IMPA2: variants seen among roughly 807,000 people sequenced by gnomAD.
The protein encoded by IMPA2 is inositol monophosphatase 2.
A neutral mutation model predicts 35.1 loss-of-function variants in IMPA2; 32 were observed. The ratio of observed to expected loss-of-function variants is 0.91; its 90% CI spans 0.69 to 1.23. IMPA2 has a LOEUF of 1.23. Among genes scored for constraint, IMPA2 ranks in the 50% most tolerant of loss-of-function variants. The pLI is 0.00. For synonymous variants in IMPA2, 135 were observed against 160.6 expected (o/e 0.84, Z 1.20); for missense variants, 334 against 387.6 (o/e 0.86, Z 1.16).
At chr18:12,028,780 C>T in intron 6 of IMPA2, 62 bp from the exon 7 acceptor site, 9 of 1,558,296 alleles carry the variant, frequency 5.8e-6, no homozygotes, top group Non-Finnish European at 6.1e-6. Context: ...CTGAAGTCGG[C>T]TTGCACACCA....
chr18:12,022,346 A>T (rs553937175), intron 5 of IMPA2, among the ~76,000 whole-genome samples: 10 of 152,028 alleles, frequency 6.6e-5, no homozygotes, highest in Non-Finnish European at 1.2e-4. Context: ...AGCCTGGCCA[A>T]CATGGAGAAA....
At chr18:12,005,434 A>G (rs1367055578) in intron 2 of IMPA2, among the ~76,000 whole-genome samples, 1 of 152,066 alleles carries the variant, frequency 6.6e-6, no homozygotes, top group African/African-American at 2.4e-5. Context: ...TCAGTGAGCC[A>G]TGATTGTGCC....
At chr18:11,989,597 C>A (rs947894444) in intron 1 of IMPA2, among the ~76,000 whole-genome samples, 1 of 152,210 alleles carries the variant, frequency 6.6e-6, no homozygotes, top group African/African-American at 2.4e-5. Context: ...CTATCATTTC[C>A]TACCCATTTT....
chr18:12,030,212 C>A, intron 7 of IMPA2, 131 bp from the exon 8 acceptor site: 1 of 675,538 alleles, frequency 1.5e-6, no homozygotes. Context: ...CTGTTTAATA[C>A]GAGTGTTGGG....
At chr18:12,012,048 C>T in intron 3 of IMPA2, 122 bp from the exon 4 acceptor site, 1 of 790,222 alleles carries the variant, frequency 1.3e-6, no homozygotes, top group Non-Finnish European at 2.1e-6. Context: ...AGTTTTTAAA[C>T]AACCAACCCA....
At chr18:12,022,254 G>A (rs939041091) in intron 5 of IMPA2, among the ~76,000 whole-genome samples, 8 of 151,880 alleles carry the variant, frequency 5.3e-5, no homozygotes, top group South Asian at 2.1e-4. Context: ...ACATTAGGCC[G>A]GGCCCGGTGG....
chr18:12,001,754 G>C (rs1157205492), intron 2 of IMPA2, among the ~76,000 whole-genome samples: 2 of 152,198 alleles, frequency 1.3e-5, no homozygotes, highest in African/African-American at 4.8e-5. Context: ...GGGTGAGACA[G>C]GCTTACCTGG....
rs1907956875 is a variant in IMPA2, at chr18:12,028,825, C to T, written c.600-17C>T. On this transcript the variant is annotated splice_polypyrimidine_tract_variant and intron_variant, in intron 6 of 7. Transcript: ENST00000269159. ...CTCCACTCCCGCCTGCATCTGTCCT[C>T]CCTTCCCTCTCCCCAGGGTCCGAGT... 2 of 1,612,714 alleles carry T rather than the reference C, an allele frequency of 1.2e-6. No individual in the cohort carries two copies. The highest frequency in any genetic ancestry group is 1.3e-5 in the African/African-American group (1 of 74,918).
intron 1 of IMPA2, 31 bp from the exon 2 acceptor site, chr18:11,999,023 G>A (rs1907042758): frequency 1.3e-6 from 2 of 1,585,912 alleles, no homozygotes; most frequent in Non-Finnish European, 1.7e-6. Context: ...ATGTTTGCAT[G>A]TTTAACCCAA....
intron 5 of IMPA2, among the ~76,000 whole-genome samples, chr18:12,026,940 G>C (rs1802900594): frequency 6.6e-6 from 1 of 152,234 alleles, no homozygotes; most frequent in Admixed American, 6.5e-5. Context: ...GTGTTTTGCA[G>C]AAAGTGCTTT....
intron 4 of IMPA2, among the ~76,000 whole-genome samples, chr18:12,013,343 G>A (rs770677101): frequency 7.9e-5 from 12 of 152,260 alleles, no homozygotes; most frequent in East Asian, 1.9e-4. Flanking sequence ...CCAGGGTACC[G>A]GAAGGGGAAG....
chr18:12,029,108 GT>G (rs1158665365), intron 7 of IMPA2, 115 bp downstream of exon 7: 27,453 of 263,824 alleles, frequency 0.1, 2 homozygotes, highest in Middle Eastern at 0.13. Flanking sequence ...CAGAGTTTCT[GT>G]TTTTTTTTTT....
Position 12,014,204 on chromosome 18 carries a change from T to A in IMPA2, c.382-61T>A, listed in dbSNP as rs549714121. On this transcript the variant is annotated intron_variant, in intron 4 of 7. Transcript: ENST00000269159. ...AGCCTTCATCTTTGAATAACAATGT[T>A]TTTTCCCACATCAAACGAGTGAACC... 112 of 1,182,312 alleles carry A rather than the reference T, an allele frequency of 9.5e-5. No homozygotes were observed. The Admixed American group carries it at 1.9e-3, about 20-fold the overall frequency. The allele number at this position is 1,182,312 out of a possible 1,614,324, so 73.2% of individuals were successfully genotyped here.
rs57245640 is a variant in IMPA2, at chr18:12,002,763, CAAA to C, written c.230+3592_230+3594del. On this transcript the variant is annotated intron_variant, in intron 2 of 7. Coordinates refer to ENST00000269159, the MANE Select transcript of IMPA2 (RefSeq NM_014214.3). ...TGGGTGACAGAGCAAGACCTTGTCT[CAAA>C]AAAAAAAAAAAAAAATGTAGATTAA... 7.9e-3 allele frequency among the ~76,000 whole-genome samples: 1,089 copies of C among 137,650 alleles called. 9 individuals carry two copies. Among genetic ancestry groups the C allele is most frequent in the South Asian group, 0.018 (78 of 4,316 alleles). 90.3% of individuals were successfully genotyped at this position (137,650 alleles called of 152,430 possible).
At chr18:12,022,050 A>G (rs910295546) in intron 5 of IMPA2, among the ~76,000 whole-genome samples, 1 of 151,910 alleles carries the variant, frequency 6.6e-6, no homozygotes, top group Non-Finnish European at 1.5e-5. Context: ...GTATGTAAAT[A>G]TGATTTTCCA....
chr18:12,025,858 T>C lies in IMPA2; in HGVS notation c.491-2185T>C, dbSNP rs993851690. 5.9e-5 allele frequency among the ~76,000 whole-genome samples: 9 copies of C among 152,056 alleles called. No homozygotes were observed. In the South Asian group the frequency reaches 1.2e-3, roughly 21 times the overall value. On this transcript the variant is annotated intron_variant, in intron 5 of 7. Transcript: ENST00000269159. ...GTGCTGGGATTACAGGCGTAAGCCA[T>C]GCTCCTGGCTTTGTCTCGTTGTTAA...
At chr18:12,026,235 G>A (rs1437294379) in intron 5 of IMPA2, among the ~76,000 whole-genome samples, 2 of 151,882 alleles carry the variant, frequency 1.3e-5, no homozygotes, top group African/African-American at 4.8e-5. Context: ...GTTTCTCCAT[G>A]TTGGTCAGGC....
At chr18:12,027,433 T>C (rs942734729) in intron 5 of IMPA2, among the ~76,000 whole-genome samples, 13 of 152,226 alleles carry the variant, frequency 8.5e-5, no homozygotes, top group Admixed American at 7.9e-4. Flanking sequence ...TAAAAGTTGC[T>C]TTCTCCAAGA....
chr18:12,008,080 C>G (rs537736828), intron 2 of IMPA2, among the ~76,000 whole-genome samples: 24 of 152,238 alleles, frequency 1.6e-4, no homozygotes, highest in African/African-American at 5.1e-4. Context: ...ACTGCAACCT[C>G]CACCTCCTGG....
Sources: gnomAD v4.1 joint callset for allele counts (sites outside exome capture counted in the v4.1 genomes callset) on GRCh38, gnomAD v4.1.1 for gene constraint, MANE v1.5 for transcripts, NCBI Gene and HGNC (gene_info 2026-07-23, HGNC 2026-07-21) for gene names.